Variants in HS6ST3 observed in about 807,000 individuals in gnomAD.
HS6ST3 encodes heparan-sulfate 6-O-sulfotransferase 3.
A neutral mutation model predicts 36.7 loss-of-function variants in HS6ST3; 12 were observed. The ratio of observed to expected loss-of-function variants is 0.33; its 90% CI spans 0.21 to 0.53. The LOEUF (loss-of-function observed/expected upper bound fraction) is 0.53, where lower values mean the gene tolerates loss of function less well. Among genes scored for constraint, HS6ST3 ranks in the 20% least tolerant of loss-of-function variants. HS6ST3 has a pLI of 0.95. For missense variants in HS6ST3, 584 were observed against 640.9 expected (o/e 0.91, Z 0.96); for synonymous variants, 240 against 257.5 (o/e 0.93, Z 0.65).
At chr13:96,720,493 G>GA (rs950734051) in intron 1 of HS6ST3, among the ~76,000 whole-genome samples, 55 of 149,920 alleles carry the variant, frequency 3.7e-4, no homozygotes, top group African/African-American at 1.2e-3. Flanking sequence ...ATGGGGGTCG[G>GA]AAAAAAAAAT....
chr13:96,394,200 G>A (rs1327193733), intron 1 of HS6ST3, among the ~76,000 whole-genome samples: 1 of 152,042 alleles, frequency 6.6e-6, no homozygotes, highest in Non-Finnish European at 1.5e-5. Flanking sequence ...GCTGAGGCCC[G>A]TTTACATGTT....
chr13:96,469,297 C>G (rs940737222), intron 1 of HS6ST3, among the ~76,000 whole-genome samples: 1 of 151,822 alleles, frequency 6.6e-6, no homozygotes, highest in Non-Finnish European at 1.5e-5. Flanking sequence ...GAATCCCTCC[C>G]CCAACTTTTT....
At chr13:96,767,663 G>C (rs181562914) in intron 1 of HS6ST3, among the ~76,000 whole-genome samples, 114 of 152,336 alleles carry the variant, frequency 7.5e-4, no homozygotes, top group Non-Finnish European at 1.3e-3. Flanking sequence ...GGAGGCCTGA[G>C]CATTGTTTGG....
chr13:96,126,346 C>T (rs1394254055), intron 1 of HS6ST3, among the ~76,000 whole-genome samples: 2 of 152,226 alleles, frequency 1.3e-5, no homozygotes, highest in East Asian at 3.9e-4. Flanking sequence ...ATTGATGCTA[C>T]AGTTTGCTGC....
At position 96,131,837 on chromosome 13, in the gene HS6ST3, T is replaced by C. The variant is rs557687281; in HGVS notation, c.707+40268T>C. Among the ~76,000 whole-genome samples the C allele has an allele frequency of 1.4e-3, 217 of 152,080 alleles. 1 individual carries two copies. Among genetic ancestry groups the C allele is most frequent in the Non-Finnish European group, 2.4e-3 (165 of 67,980 alleles). On this transcript the variant is annotated intron_variant, in intron 1 of 1. Transcript: ENST00000376705. ...TGGAGACCATCTAATTATTTTTAAA[T>C]TTGTAACCTGACAAACGTCACAAAA...
intron 1 of HS6ST3, among the ~76,000 whole-genome samples, chr13:96,589,880 A>T (rs1310486291): frequency 6.6e-6 from 1 of 152,144 alleles, no homozygotes; most frequent in Non-Finnish European, 1.5e-5. Flanking sequence ...CTCTCTGTCT[A>T]CATGAGATCA....
chr13:96,236,348 C>A (rs1408698901), intron 1 of HS6ST3, among the ~76,000 whole-genome samples: 2 of 152,092 alleles, frequency 1.3e-5, no homozygotes, highest in East Asian at 1.9e-4. Context: ...TTAATATTAA[C>A]CATCACAGGC....
intron 1 of HS6ST3, among the ~76,000 whole-genome samples, chr13:96,099,231 C>G (rs1381583984): frequency 6.6e-6 from 1 of 152,112 alleles, no homozygotes; most frequent in Non-Finnish European, 1.5e-5. Context: ...TGTGAGCCAC[C>G]ACACCCCAAC....
intron 1 of HS6ST3, among the ~76,000 whole-genome samples, chr13:96,246,162 A>G (rs2054584162): frequency 6.6e-6 from 1 of 152,098 alleles, no homozygotes. Flanking sequence ...CTCTCAGAGG[A>G]GAGCCATATC....
At chr13:96,431,718 C>A (rs1413604844) in intron 1 of HS6ST3, among the ~76,000 whole-genome samples, 1 of 152,178 alleles carries the variant, frequency 6.6e-6, no homozygotes, top group East Asian at 1.9e-4. Flanking sequence ...TAGTTGCCCA[C>A]AAGAACAAGC....
At chr13:96,353,046 CTTTTTTT>C (rs1026366277) in intron 1 of HS6ST3, among the ~76,000 whole-genome samples, 30 of 85,424 alleles carry the variant, frequency 3.5e-4, no homozygotes, top group Middle Eastern at 7.2e-3. Context: ...CTAGCGTATT[CTTTTTTT>C]TTTTTTTTTT....
chr13:96,744,088 TTAAACATG>T (rs1404124814), intron 1 of HS6ST3, among the ~76,000 whole-genome samples: 2 of 152,172 alleles, frequency 1.3e-5, no homozygotes, highest in African/African-American at 2.4e-5. Context: ...ATGCAAGAAG[TTAAACATG>T]TAAAATGTGA....
At chr13:96,231,801 G>A (rs1416705006) in intron 1 of HS6ST3, among the ~76,000 whole-genome samples, 2 of 152,200 alleles carry the variant, frequency 1.3e-5, no homozygotes, top group Non-Finnish European at 2.9e-5. Flanking sequence ...TTTATGTGAA[G>A]GGTGGGGTTA....
At chr13:96,799,938 G>A (rs373533503) in intron 1 of HS6ST3, among the ~76,000 whole-genome samples, 1 of 97,040 alleles carries the variant, frequency 1.0e-5, no homozygotes, top group Non-Finnish European at 2.0e-5. Context: ...ATACATATAT[G>A]TGTGTGTATA....
intron 1 of HS6ST3, among the ~76,000 whole-genome samples, chr13:96,156,041 A>G (rs1472116616): frequency 6.6e-6 from 1 of 152,176 alleles, no homozygotes; most frequent in Non-Finnish European, 1.5e-5. Flanking sequence ...TCTTCTCACA[A>G]TATAGAATCA....
intron 1 of HS6ST3, among the ~76,000 whole-genome samples, chr13:96,701,990 T>G (rs12864425): frequency 0.32 from 49,080 of 151,868 alleles, 9,903 homozygotes; most frequent in African/African-American, 0.57. Flanking sequence ...AACAAAGGGA[T>G]CTGAGGGAAA....
At chr13:96,628,833 G>T (rs566097494) in intron 1 of HS6ST3, among the ~76,000 whole-genome samples, 137 of 152,134 alleles carry the variant, frequency 9.0e-4, no homozygotes, top group African/African-American at 3.1e-3. Context: ...GTGCATGTGT[G>T]TGTGTGTGTG....
intron 1 of HS6ST3, among the ~76,000 whole-genome samples, chr13:96,191,989 T>C (rs1254085914): frequency 6.6e-6 from 1 of 152,166 alleles, no homozygotes; most frequent in Non-Finnish European, 1.5e-5. Context: ...GGAGAGAACA[T>C]TGAGCCACAC....
At chr13:96,668,612 T>C (rs1255259598) in intron 1 of HS6ST3, among the ~76,000 whole-genome samples, 1 of 147,224 alleles carries the variant, frequency 6.8e-6, no homozygotes, top group Non-Finnish European at 1.5e-5. Flanking sequence ...GGCCAGTGCA[T>C]ATTCACTGCT....
Sources: gnomAD v4.1 joint callset for allele counts (sites outside exome capture counted in the v4.1 genomes callset) on GRCh38, gnomAD v4.1.1 for gene constraint, MANE v1.5 for transcripts, NCBI Gene and HGNC (gene_info 2026-07-23, HGNC 2026-07-21) for gene names.